The following KRABD2 variants were observed in gnomAD, a reference collection of about 807,000 sequenced individuals.
KRABD2 encodes the protein KRAB domain-containing protein 2.
chr17:8,375,766 A>G, the KRABD2 span: 2 of 500,540 alleles, frequency 4.0e-6, no homozygotes, highest in Non-Finnish European at 5.5e-6. Flanking sequence ...TATCTTTTCC[A>G]AAGCAACATG....
chr17:8,373,582 T>C, the KRABD2 span: 1 of 180,196 alleles, frequency 5.5e-6, no homozygotes, highest in South Asian at 1.0e-4. Flanking sequence ...TTGTAGCCTC[T>C]GCCCGGCTGC....
the KRABD2 span, chr17:8,376,296 A>G: frequency 8.2e-7 from 1 of 1,226,818 alleles, no homozygotes; most frequent in East Asian, 3.2e-5. Context: ...GACTCTTATC[A>G]TTTACTGACT....
chr17:8,371,388 A>G, the KRABD2 span: 2 of 1,614,048 alleles, frequency 1.2e-6, no homozygotes, highest in Non-Finnish European at 1.7e-6. Context: ...AATAATTCCA[A>G]TCTTTGGTCA....
chr17:8,367,678 AAAC>A, the KRABD2 span, among the ~76,000 whole-genome samples: 8 of 151,816 alleles, frequency 5.3e-5, no homozygotes, highest in Admixed American at 2.6e-4. Flanking sequence ...AAAAAAAAAA[AAAC>A]AAGTGAACAA....
chr17:8,369,208 C>T, the KRABD2 span: 15 of 1,614,160 alleles, frequency 9.3e-6, no homozygotes, highest in South Asian at 1.4e-4. Flanking sequence ...TCCATGTCAT[C>T]GTCCATATCA....
the KRABD2 span, among the ~76,000 whole-genome samples, chr17:8,374,629 A>T: frequency 4.1e-5 from 2 of 48,850 alleles, no homozygotes; most frequent in South Asian, 4.2e-4. Flanking sequence ...AATAAATACT[A>T]AAAAAAAAAA....
At chr17:8,363,462 G>T in the KRABD2 span, among the ~76,000 whole-genome samples, 1 of 151,836 alleles carries the variant, frequency 6.6e-6, no homozygotes, top group Admixed American at 6.6e-5. Flanking sequence ...AGCAATTCTT[G>T]TGCCTCAGCC....
the KRABD2 span, among the ~76,000 whole-genome samples, chr17:8,372,290 A>G: frequency 6.6e-6 from 1 of 152,252 alleles, no homozygotes; most frequent in Non-Finnish European, 1.5e-5. This position sits in a 1 kb window ranked among gnomAD's most constrained non-coding sequence, Gnocchi z 4.1. Context: ...TTGAGAGGAA[A>G]AACAGTGTGT....
chr17:8,367,931 T>TAAA, the KRABD2 span, among the ~76,000 whole-genome samples: 1 of 43,980 alleles, frequency 2.3e-5, no homozygotes, highest in Non-Finnish European at 4.9e-5. Context: ...AATGATCAAT[T>TAAA]AAAAAAAAAA....
At chr17:8,368,828 G>T in the KRABD2 span, 1 of 288,672 alleles carries the variant, frequency 3.5e-6, no homozygotes, top group East Asian at 7.2e-5. Context: ...GTAGAGACAG[G>T]GTTTCATCAT....
the KRABD2 span, chr17:8,376,510 C>T: frequency 2.0e-6 from 2 of 995,236 alleles, no homozygotes; most frequent in Non-Finnish European, 2.4e-6. Context: ...TGTAGCCTTC[C>T]TACCCTGACT....
At chr17:8,376,267 G>C in the KRABD2 span, 18 of 1,229,116 alleles carry the variant, frequency 1.5e-5, no homozygotes, top group Non-Finnish European at 1.7e-5. Flanking sequence ...CCGAGTCTAC[G>C]CTTGGGAATT....
chr17:8,372,125 A>G, the KRABD2 span: 1 of 980,328 alleles, frequency 1.0e-6, no homozygotes, highest in Non-Finnish European at 1.2e-6. The surrounding 1 kb of genome is among the most constrained non-coding windows in gnomAD (Gnocchi z 4.1). Context: ...GCTCTGAGCA[A>G]GAGTCTCAGT....
chr17:8,359,929 T>C, the KRABD2 span: 1 of 431,722 alleles, frequency 2.3e-6, no homozygotes, highest in South Asian at 1.7e-5. Flanking sequence ...CACTGAATTG[T>C]GGGGGTAGAG....
the KRABD2 span, among the ~76,000 whole-genome samples, chr17:8,366,673 T>C: frequency 6.6e-6 from 1 of 152,208 alleles, no homozygotes; most frequent in African/African-American, 2.4e-5. Flanking sequence ...GTGGCCAGTC[T>C]CTAGGGCATC....
At chr17:8,366,807 T>C in the KRABD2 span, among the ~76,000 whole-genome samples, 1 of 152,060 alleles carries the variant, frequency 6.6e-6, no homozygotes, top group Admixed American at 6.5e-5. Flanking sequence ...CTGCAACCTC[T>C]GCCTCCTAGG....
At chr17:8,366,741 A>G in the KRABD2 span, among the ~76,000 whole-genome samples, 21 of 149,956 alleles carry the variant, frequency 1.4e-4, no homozygotes, top group Non-Finnish European at 2.8e-4. Context: ...TTTTTTTCTG[A>G]GATAGAGCCT....
the KRABD2 span, among the ~76,000 whole-genome samples, chr17:8,373,254 C>T: frequency 2.6e-5 from 4 of 152,216 alleles, no homozygotes; most frequent in African/African-American, 4.8e-5. Context: ...GCCGCCATCT[C>T]GGCTCACTGC....
the KRABD2 span, chr17:8,370,133 T>G: frequency 6.2e-7 from 1 of 1,614,096 alleles, no homozygotes; most frequent in Admixed American, 1.7e-5. Flanking sequence ...CATCATATTT[T>G]GCTGCACGGC....
Sources: gnomAD v4.1 joint callset for allele counts (sites outside exome capture counted in the v4.1 genomes callset) on GRCh38, gnomAD v4.1.1 for gene constraint, Gnocchi (gnomAD v3.1) non-coding constraint, MANE v1.5 for transcripts, NCBI Gene and HGNC (gene_info 2026-07-23, HGNC 2026-07-21) for gene names.